Variants in ZBTB20 observed in about 807,000 individuals in gnomAD.
ZBTB20 encodes zinc finger and BTB domain-containing protein 20.
A neutral mutation model predicts 56.9 loss-of-function variants in ZBTB20; 9 were observed. That is an observed-to-expected ratio of 0.16 (90% CI 0.10 to 0.28). ZBTB20 has a LOEUF of 0.28. Ranked by LOEUF, ZBTB20 falls within the 10% of genes least tolerant of loss-of-function variation. The pLI is 1.00. For missense variants in ZBTB20, 655 were observed against 1,003.0 expected (o/e 0.65, Z 4.69); for synonymous variants, 417 against 420.7 (o/e 0.99, Z 0.11).
At chr3:114,426,407 G>A (rs1228564255) in intron 7 of ZBTB20, among the ~76,000 whole-genome samples, 1 of 147,174 alleles carries the variant, frequency 6.8e-6, no homozygotes, top group Non-Finnish European at 1.5e-5. Flanking sequence ...TCAATGGTTT[G>A]ACTGTCACAG....
chr3:114,693,651 A>ATAACCCAT (rs1431040632), intron 5 of ZBTB20, 76 bp from the exon 6 acceptor site: 17 of 152,148 alleles, frequency 1.1e-4, no homozygotes, highest in African/African-American at 4.1e-4. Flanking sequence ...ATCATAGAAA[A>ATAACCCAT]TAACCCATTT....
chr3:114,934,215 T>C (rs2076454544), intron 3 of ZBTB20, among the ~76,000 whole-genome samples: 1 of 152,092 alleles, frequency 6.6e-6, no homozygotes, highest in Non-Finnish European at 1.5e-5. Context: ...AAATGTACCT[T>C]CCCCAACTTT....
intron 6 of ZBTB20, among the ~76,000 whole-genome samples, chr3:114,620,022 T>A (rs1300922898): frequency 6.6e-6 from 1 of 152,214 alleles, no homozygotes; most frequent in Non-Finnish European, 1.5e-5. Context: ...TGATGCATTA[T>A]AGGTAAGTCT....
intron 6 of ZBTB20, chr3:114,520,151 AG>A (rs2046464658): frequency 6.6e-6 from 1 of 152,164 alleles, no homozygotes; most frequent in Non-Finnish European, 1.5e-5. Flanking sequence ...AAAGAAAAAA[AG>A]AATAAAGATG....
At chr3:114,704,485 CATAA>C (rs1000911075) in intron 5 of ZBTB20, among the ~76,000 whole-genome samples, 27 of 151,994 alleles carry the variant, frequency 1.8e-4, no homozygotes, top group Admixed American at 2.0e-4. Context: ...CATGCAGGTG[CATAA>C]ATATTCAGGC....
At chr3:114,461,296 TCC>T (rs55841623) in intron 7 of ZBTB20, among the ~76,000 whole-genome samples, 6 of 128,778 alleles carry the variant, frequency 4.7e-5, no homozygotes, top group Admixed American at 3.1e-4. Flanking sequence ...AACAATCTCC[TCC>T]CCCCCCCCTC....
intron 6 of ZBTB20, among the ~76,000 whole-genome samples, chr3:114,618,675 G>A (rs1445618742): frequency 6.6e-6 from 1 of 152,168 alleles, no homozygotes. Flanking sequence ...TGTACAGTAA[G>A]TTGAATGGGT....
chr3:115,093,697 T>A (rs2083281036), intron 1 of ZBTB20, among the ~76,000 whole-genome samples: 1 of 152,134 alleles, frequency 6.6e-6, no homozygotes, highest in African/African-American at 2.4e-5. Flanking sequence ...ACAAATGAAA[T>A]CTGTCCACCA....
intron 5 of ZBTB20, among the ~76,000 whole-genome samples, chr3:114,763,186 G>A (rs1291568647): frequency 2.0e-5 from 3 of 152,100 alleles, no homozygotes; most frequent in Admixed American, 6.6e-5. Context: ...ATAATGGGCT[G>A]TATATTTGGT....
chr3:114,469,036 T>G, intron 7 of ZBTB20, among the ~76,000 whole-genome samples: 1 of 114,708 alleles, frequency 8.7e-6, no homozygotes. Context: ...AAAAAAAAAA[T>G]CTAGTTTTTT....
intron 6 of ZBTB20, among the ~76,000 whole-genome samples, chr3:114,592,914 T>A (rs1014139723): frequency 8.5e-5 from 13 of 152,204 alleles, no homozygotes; most frequent in African/African-American, 3.1e-4. Flanking sequence ...TTGAACAGAT[T>A]CACATACATA....
intron 6 of ZBTB20, among the ~76,000 whole-genome samples, chr3:114,675,400 T>C (rs962682083): frequency 6.6e-6 from 1 of 152,260 alleles, no homozygotes; most frequent in Non-Finnish European, 1.5e-5. Flanking sequence ...ATTCCGTTTG[T>C]GGAATGGACT....
chr3:114,881,594 AAAG>A (rs1430729478), intron 4 of ZBTB20, among the ~76,000 whole-genome samples: 2 of 152,058 alleles, frequency 1.3e-5, no homozygotes, highest in Admixed American at 6.5e-5. Context: ...ATATTTTTAT[AAAG>A]AAGATGTTTT....
rs1021604243 is a variant in ZBTB20 at position 114,326,671 on chromosome 3, C to T, written c.*12334G>A. 1 of 152,142 alleles carries T rather than the reference C, an allele frequency of 6.6e-6. No homozygotes were observed. Among genetic ancestry groups the T allele is most frequent in the Non-Finnish European group, 1.5e-5 (1 of 68,010 alleles). 9.4% of individuals were successfully genotyped at this position (152,142 alleles called of 1,614,324 possible). The stretch of plus-strand genomic sequence containing the variant: ...AAAAACCTTACTAAAATACACATTC[C>T]TCCAGTTTCAGATTTCTAAAAAGTA... On this transcript the variant is annotated 3_prime_UTR_variant, in exon 12 of 12. Transcript: ENST00000675478.
chr3:114,538,402 A>T (rs564458829), intron 6 of ZBTB20, among the ~76,000 whole-genome samples: 4 of 152,044 alleles, frequency 2.6e-5, no homozygotes, highest in African/African-American at 9.7e-5. Context: ...CCCCAGTGTG[A>T]TATATTTATC....
At chr3:114,353,559 CT>C (rs1465031517) in intron 10 of ZBTB20, among the ~76,000 whole-genome samples, 1 of 152,204 alleles carries the variant, frequency 6.6e-6, no homozygotes, top group Non-Finnish European at 1.5e-5. Context: ...GACAAGTTCT[CT>C]TTGCCAGATT....
chr3:114,973,807 C>T (rs1160689664), intron 3 of ZBTB20, among the ~76,000 whole-genome samples: 2 of 151,986 alleles, frequency 1.3e-5, no homozygotes, highest in South Asian at 4.1e-4. Context: ...TCCTTCAATC[C>T]CTGTGAGCTC....
intron 4 of ZBTB20, among the ~76,000 whole-genome samples, chr3:114,847,183 C>T (rs1410437973): frequency 6.6e-6 from 1 of 151,918 alleles, no homozygotes; most frequent in African/African-American, 2.4e-5. Flanking sequence ...CTATAGGCTT[C>T]TCACAAGGGC....
In ZBTB20 at chr3:114,730,574, A is replaced by T. The variant is rs1464066368; in HGVS notation, c.-342-36999T>A. ...ATCCACTAGGACTGGCGTCCTTATA[A>T]GGACAGGAAGAGACATCAGAGGTTC... On this transcript the variant is annotated intron_variant, in intron 5 of 11. Transcript: ENST00000675478. Among the ~76,000 whole-genome samples, 3 of 152,208 alleles carry T rather than the reference A, an allele frequency of 2.0e-5. No homozygotes were observed. The East Asian group carries it at 5.8e-4, about 29-fold the overall frequency.
Sources: gnomAD v4.1 joint callset for allele counts (sites outside exome capture counted in the v4.1 genomes callset) on GRCh38, gnomAD v4.1.1 for gene constraint, MANE v1.5 for transcripts, NCBI Gene and HGNC (gene_info 2026-07-23, HGNC 2026-07-21) for gene names.